SDCCAG8: variants seen among roughly 807,000 people sequenced by gnomAD.
SDCCAG8 encodes the protein serologically defined colon cancer antigen 8.
A neutral mutation model predicts 101.8 loss-of-function variants in SDCCAG8; 74 were observed. That is an observed-to-expected ratio of 0.73 (90% CI 0.60 to 0.88). The LOEUF is 0.88. Ranked by LOEUF, SDCCAG8 falls within the 40% of genes least tolerant of loss-of-function variation. SDCCAG8 has a pLI of 0.00. For missense variants in SDCCAG8, 787 were observed against 822.6 expected, an observed-to-expected ratio of 0.96 and a Z score of 0.53; for synonymous variants, 281 against 292.9, an observed-to-expected ratio of 0.96 and a Z score of 0.41.
At chr1:243,271,123 T>A in intron 3 of SDCCAG8, 60 bp downstream of exon 3, 6 of 1,220,660 alleles carry the variant, frequency 4.9e-6, no homozygotes, top group Non-Finnish European at 7.3e-6. Context: ...ATTGTGTTAT[T>A]TTGTAGTACA....
At chr1:243,317,461 C>G (rs2073361640) in intron 9 of SDCCAG8, among the ~76,000 whole-genome samples, 1 of 152,052 alleles carries the variant, frequency 6.6e-6, no homozygotes, top group Non-Finnish European at 1.5e-5. Flanking sequence ...GCTGGGATTA[C>G]AGACACGGGC....
At chr1:243,375,974 A>T (rs932686741) in intron 12 of SDCCAG8, among the ~76,000 whole-genome samples, 1 of 152,186 alleles carries the variant, frequency 6.6e-6, no homozygotes, top group Non-Finnish European at 1.5e-5. Flanking sequence ...GGCATGGATA[A>T]TCAGAAGCAG....
chr1:243,481,383 A>G (rs1397034242), intron 16 of SDCCAG8, among the ~76,000 whole-genome samples: 2 of 152,280 alleles, frequency 1.3e-5, no homozygotes, highest in Middle Eastern at 6.8e-3. Context: ...GCTTGGGCAA[A>G]TGATCGCTTC....
chr1:243,264,051 G>C (rs371917413), intron 1 of SDCCAG8, among the ~76,000 whole-genome samples: 1 of 152,124 alleles, frequency 6.6e-6, no homozygotes, highest in South Asian at 2.1e-4. Context: ...TCTCGGCCTC[G>C]GGAGGAATGG....
chr1:243,447,265 A>AAC (rs2082989804), intron 16 of SDCCAG8, among the ~76,000 whole-genome samples: 1 of 150,842 alleles, frequency 6.6e-6, no homozygotes, highest in South Asian at 2.1e-4. Flanking sequence ...AAAAAAAAAA[A>AAC]AAAAAAAAAA....
intron 5 of SDCCAG8, among the ~76,000 whole-genome samples, chr1:243,292,864 T>A (rs146852249): frequency 6.6e-6 from 1 of 152,182 alleles, no homozygotes; most frequent in African/African-American, 2.4e-5. Flanking sequence ...AATCTAGCCC[T>A]CTTTGCCCAT....
intron 8 of SDCCAG8, among the ~76,000 whole-genome samples, chr1:243,311,712 T>C (rs559634737): frequency 6.6e-6 from 1 of 152,024 alleles, no homozygotes; most frequent in South Asian, 2.1e-4. Context: ...GCCAGGTGTT[T>C]GAGACCAGTC....
chr1:243,498,284 A>T (rs1008808583), intron 17 of SDCCAG8, among the ~76,000 whole-genome samples: 7 of 152,226 alleles, frequency 4.6e-5, no homozygotes, highest in African/African-American at 1.4e-4. Flanking sequence ...TGAGGACAGA[A>T]GGGAGTCCCC....
rs569170137 is a variant in SDCCAG8 at position 243,384,406 on chromosome 1, A to G, written c.1616+5543A>G. Among the ~76,000 whole-genome samples the G allele has an allele frequency of 2.0e-5, 3 of 152,330 alleles. No homozygotes were observed. In the South Asian group the frequency reaches 6.2e-4, roughly 32 times the overall value. On this transcript the variant is annotated intron_variant, in intron 13 of 17. Coordinates refer to ENST00000366541, the MANE Select transcript of SDCCAG8 (RefSeq NM_006642.5). The stretch of plus-strand genomic sequence containing the variant: ...GATAAGGCTAAAATTTTTTATTGAG[A>G]ATTTTACTTGTCTCTATGATACTAT...
intron 13 of SDCCAG8, among the ~76,000 whole-genome samples, chr1:243,412,888 T>C (rs1396254040): frequency 1.3e-5 from 2 of 152,008 alleles, no homozygotes; most frequent in African/African-American, 2.4e-5. Flanking sequence ...ATGAAACACA[T>C]TTGAGGTTCC....
At position 243,437,117 on chromosome 1, in the gene SDCCAG8, T is replaced by C. The variant is rs561388423; in HGVS notation, c.1985+10559T>C. On this transcript the variant is annotated intron_variant, in intron 16 of 17. Transcript: ENST00000366541. ...TTATCTTAACTCTTAAGACTTAAAA[T>C]TTAACTTAGAACTTTTAAATTAAAT... Among the ~76,000 whole-genome samples the C allele has an allele frequency of 5.3e-5, 8 of 152,350 alleles. No individual in the cohort carries two copies. The South Asian group carries it at 1.2e-3, about 24-fold the overall frequency.
chr1:243,435,565 A>T (rs1157698552), intron 16 of SDCCAG8, among the ~76,000 whole-genome samples: 1 of 152,184 alleles, frequency 6.6e-6, no homozygotes, highest in African/African-American at 2.4e-5. Flanking sequence ...TATTTATATT[A>T]TAGGTTAAAT....
At chr1:243,260,689 A>G (rs1370201876) in intron 1 of SDCCAG8, among the ~76,000 whole-genome samples, 1 of 152,212 alleles carries the variant, frequency 6.6e-6, no homozygotes, top group Admixed American at 6.5e-5. Context: ...TGACTCACCT[A>G]TTCACCTCAT....
intron 15 of SDCCAG8, 32 bp from the exon 16 acceptor site, chr1:243,426,394 TA>T: frequency 6.3e-7 from 1 of 1,591,444 alleles, no homozygotes; most frequent in Non-Finnish European, 8.6e-7. Context: ...TAAGAACTTC[TA>T]ACATCTATTA....
intron 15 of SDCCAG8, among the ~76,000 whole-genome samples, chr1:243,420,789 C>G (rs1055865157): frequency 1.3e-5 from 2 of 152,154 alleles, no homozygotes; most frequent in Non-Finnish European, 2.9e-5. Context: ...TCATTTCTCC[C>G]TGGCTTCTTA....
chr1:243,442,153 C>A (rs1477630969), intron 16 of SDCCAG8, among the ~76,000 whole-genome samples: 4 of 152,036 alleles, frequency 2.6e-5, no homozygotes, highest in Middle Eastern at 3.2e-3. Context: ...CATCATATTA[C>A]CCCAAGAGGT....
At chr1:243,440,930 T>C (rs1346163994) in intron 16 of SDCCAG8, among the ~76,000 whole-genome samples, 1 of 152,216 alleles carries the variant, frequency 6.6e-6, no homozygotes, top group Non-Finnish European at 1.5e-5. Context: ...AATATCTTGA[T>C]GATCTATTCC....
chr1:243,301,750 T>C (rs1051820707), intron 6 of SDCCAG8, among the ~76,000 whole-genome samples: 4 of 151,602 alleles, frequency 2.6e-5, no homozygotes, highest in African/African-American at 9.7e-5. Flanking sequence ...GACTCTAATA[T>C]AATTTGAGGA....
At chr1:243,267,399 G>A (rs1374782778) in intron 1 of SDCCAG8, 1 of 279,296 alleles carries the variant, frequency 3.6e-6, no homozygotes, top group Non-Finnish European at 7.0e-6. Context: ...GGGAGTTTGA[G>A]ACCAGCCTGA....
Sources: allele counts gnomAD v4.1 joint callset (sites outside exome capture counted in the v4.1 genomes callset), GRCh38; gene constraint gnomAD v4.1.1; transcripts MANE v1.5; gene names NCBI Gene and HGNC (gene_info 2026-07-23, HGNC 2026-07-21).